Variants in GLIS3 observed in about 807,000 individuals in gnomAD.
GLIS3 encodes the protein zinc finger protein GLIS3.
GLIS3 carries 53 observed loss-of-function variants against 78.6 expected under a neutral mutation model. The ratio of observed to expected loss-of-function variants is 0.67; its 90% CI spans 0.54 to 0.85. The LOEUF (loss-of-function observed/expected upper bound fraction) is 0.85, where lower values mean the gene tolerates loss of function less well. GLIS3 is among the 40% of genes least tolerant of loss of function. GLIS3 has a pLI of 0.00. For missense variants in GLIS3, 1,703 were observed against 1,231.1 expected (o/e 1.38, Z -5.74); for synonymous variants, 684 against 509.9 (o/e 1.34, Z -4.60).
intron 2 of GLIS3, among the ~76,000 whole-genome samples, chr9:4,264,878 A>G (rs538497824): frequency 2.0e-5 from 3 of 152,162 alleles, no homozygotes; most frequent in African/African-American, 7.2e-5. Flanking sequence ...GTGAAATAAC[A>G]ATCTTCGGCC....
At chr9:4,063,975 T>C (rs1417393311) in intron 4 of GLIS3, among the ~76,000 whole-genome samples, 6 of 152,126 alleles carry the variant, frequency 3.9e-5, no homozygotes, top group African/African-American at 1.4e-4. Flanking sequence ...ACAGAAAAGG[T>C]CCTGTTCCAG....
At chr9:4,295,763 G>A (rs1816427065) in intron 1 of GLIS3, among the ~76,000 whole-genome samples, 1 of 152,152 alleles carries the variant, frequency 6.6e-6, no homozygotes, top group Non-Finnish European at 1.5e-5. Flanking sequence ...TTTTCCGTAA[G>A]GATATTTCAT....
chr9:4,194,096 C>T (rs1388694129), intron 2 of GLIS3, among the ~76,000 whole-genome samples: 2 of 152,122 alleles, frequency 1.3e-5, no homozygotes, highest in African/African-American at 4.8e-5. Context: ...CTTGCTCTGT[C>T]GCCCAGGCTG....
chr9:4,278,308 C>A (rs573448983), intron 2 of GLIS3, among the ~76,000 whole-genome samples: 7 of 152,320 alleles, frequency 4.6e-5, no homozygotes, highest in Admixed American at 2.0e-4. Flanking sequence ...TCCAGATATT[C>A]CCCACTAAGA....
intron 2 of GLIS3, among the ~76,000 whole-genome samples, chr9:4,281,921 T>C (rs1235504271): frequency 6.6e-6 from 1 of 152,208 alleles, no homozygotes; most frequent in East Asian, 1.9e-4. Context: ...AAGTTCACTG[T>C]GGCACTCCAG....
At chr9:4,426,498 T>C in the GLIS3 span, among the ~76,000 whole-genome samples, 1 of 152,272 alleles carries the variant, frequency 6.6e-6, no homozygotes, top group Non-Finnish European at 1.5e-5. Context: ...GACACCTCTT[T>C]GCCCATCACT....
the GLIS3 span, among the ~76,000 whole-genome samples, chr9:4,398,349 C>G: frequency 5.3e-5 from 8 of 152,158 alleles, no homozygotes; most frequent in East Asian, 1.5e-3. Flanking sequence ...TGCAGAGTCT[C>G]AGACTCCACC....
At chr9:3,851,120 G>T (rs1229205895) in intron 9 of GLIS3, among the ~76,000 whole-genome samples, 1 of 152,196 alleles carries the variant, frequency 6.6e-6, no homozygotes, top group East Asian at 1.9e-4. Context: ...TTGTGAAAAT[G>T]CTGTTGTAGG....
chr9:3,981,236 T>A (rs1819257307), intron 4 of GLIS3, among the ~76,000 whole-genome samples: 1 of 152,082 alleles, frequency 6.6e-6, no homozygotes, highest in Non-Finnish European at 1.5e-5. Flanking sequence ...GGACTTTAGG[T>A]CTTTTCACTT....
intron 2 of GLIS3, among the ~76,000 whole-genome samples, chr9:4,241,164 C>T (rs1307611302): frequency 1.3e-5 from 2 of 152,136 alleles, no homozygotes; most frequent in African/African-American, 4.8e-5. Context: ...TCTAAAGGTA[C>T]ATTCAACTCC....
At chr9:3,887,142 T>A (rs1822134106) in intron 7 of GLIS3, among the ~76,000 whole-genome samples, 1 of 152,210 alleles carries the variant, frequency 6.6e-6, no homozygotes, top group South Asian at 2.1e-4. Flanking sequence ...TCCTTCCCAC[T>A]TTGCAGTGTA....
chr9:4,189,760 G>T (rs1164669574), intron 2 of GLIS3, among the ~76,000 whole-genome samples: 2 of 151,476 alleles, frequency 1.3e-5, no homozygotes, highest in African/African-American at 2.4e-5. Flanking sequence ...GGCCTTCTTT[G>T]TCTCTTTTGA....
At chr9:3,999,101 C>T (rs1820948573) in intron 4 of GLIS3, among the ~76,000 whole-genome samples, 1 of 152,112 alleles carries the variant, frequency 6.6e-6, no homozygotes, top group Admixed American at 6.6e-5. Context: ...ACCACATCAG[C>T]TTATAGAAAT....
At chr9:4,248,928 G>A (rs1399993213) in intron 2 of GLIS3, among the ~76,000 whole-genome samples, 1 of 151,920 alleles carries the variant, frequency 6.6e-6, no homozygotes, top group African/African-American at 2.4e-5. Context: ...ACTTTTAGAA[G>A]GGGTGGTTAT....
At chr9:3,859,443 A>G (rs963236569) in intron 8 of GLIS3, among the ~76,000 whole-genome samples, 1 of 151,962 alleles carries the variant, frequency 6.6e-6, no homozygotes, top group Non-Finnish European at 1.5e-5. Context: ...CCAAAAGTTA[A>G]CTGAGACTTT....
At chr9:4,354,477 G>A in the GLIS3 span, among the ~76,000 whole-genome samples, 1 of 152,032 alleles carries the variant, frequency 6.6e-6, no homozygotes, top group African/African-American at 2.4e-5. Context: ...CTACATCCCA[G>A]GATCTCACTT....
chr9:4,119,010 A>C, intron 3 of GLIS3, 129 bp from the exon 4 acceptor site: 1 of 971,222 alleles, frequency 1.0e-6, no homozygotes, highest in Admixed American at 2.3e-5. Flanking sequence ...ATTCTGTGCT[A>C]AACACACATT....
At chr9:4,148,647 G>A (rs948388054) in intron 2 of GLIS3, among the ~76,000 whole-genome samples, 1 of 152,016 alleles carries the variant, frequency 6.6e-6, no homozygotes, top group Non-Finnish European at 1.5e-5. Context: ...TTAGGCCTCA[G>A]CTTCCTAATG....
At chr9:4,079,151 A>C (rs916767722) in intron 4 of GLIS3, among the ~76,000 whole-genome samples, 6 of 152,230 alleles carry the variant, frequency 3.9e-5, no homozygotes, top group African/African-American at 1.4e-4. Flanking sequence ...TGATTCCCTG[A>C]AATAGGGTCC....
Sources: allele counts gnomAD v4.1 joint callset (sites outside exome capture counted in the v4.1 genomes callset), GRCh38; gene constraint gnomAD v4.1.1; transcripts MANE v1.5; gene names NCBI Gene and HGNC (gene_info 2026-07-23, HGNC 2026-07-21).